NTNG1: variants seen among roughly 807,000 people sequenced by gnomAD.
NTNG1 encodes the protein netrin G1.
NTNG1 carries 16 observed loss-of-function variants against 54.0 expected under a neutral mutation model. That is an observed-to-expected ratio of 0.30 (90% CI 0.20 to 0.45). The LOEUF (loss-of-function observed/expected upper bound fraction) is 0.45, where lower values mean the gene tolerates loss of function less well. Ranked by LOEUF, NTNG1 falls within the 20% of genes least tolerant of loss-of-function variation. NTNG1 has a pLI of 1.00. For synonymous variants in NTNG1, 255 were observed against 263.1 expected (o/e 0.97, Z 0.30); for missense variants, 530 against 678.7 (o/e 0.78, Z 2.43).
At chr1:107,208,565 T>A (rs1318483705) in intron 2 of NTNG1, among the ~76,000 whole-genome samples, 1 of 152,160 alleles carries the variant, frequency 6.6e-6, no homozygotes, top group Non-Finnish European at 1.5e-5. Context: ...CTCACTGAGT[T>A]TCTAATGAAG....
chr1:107,262,261 AT>A (rs141874430), intron 2 of NTNG1, among the ~76,000 whole-genome samples: 124 of 152,344 alleles, frequency 8.1e-4, no homozygotes, highest in Non-Finnish European at 1.5e-3. Flanking sequence ...ACAGGGACAC[AT>A]GAGTGGAGAC....
chr1:107,431,053 AGATTTCACTTGT>A, intron 6 of NTNG1, 136 bp downstream of exon 6: 1 of 735,484 alleles, frequency 1.4e-6, no homozygotes, highest in Non-Finnish European at 2.2e-6. Context: ...ATCCTATGGT[AGATTTCACTTGT>A]GATTTCACTT....
intron 6 of NTNG1, among the ~76,000 whole-genome samples, chr1:107,434,167 C>T (rs1427057343): frequency 6.6e-6 from 1 of 152,108 alleles, no homozygotes; most frequent in Non-Finnish European, 1.5e-5. Flanking sequence ...TAAAATTCAC[C>T]ACCCTTGCTG....
chr1:107,398,393 C>T (rs1007284371), intron 4 of NTNG1, among the ~76,000 whole-genome samples: 3 of 152,256 alleles, frequency 2.0e-5, no homozygotes, highest in Non-Finnish European at 2.9e-5. Flanking sequence ...TTCCCCAAGA[C>T]ACTCAGCCCA....
intron 3 of NTNG1, among the ~76,000 whole-genome samples, chr1:107,367,924 G>C (rs1327628919): frequency 6.6e-6 from 1 of 152,018 alleles, no homozygotes; most frequent in Non-Finnish European, 1.5e-5. Context: ...ACTATGCCCA[G>C]CTAATTTTTG....
chr1:107,249,634 G>A (rs189312570), intron 2 of NTNG1, among the ~76,000 whole-genome samples: 1 of 152,258 alleles, frequency 6.6e-6, no homozygotes, highest in East Asian at 1.9e-4. Context: ...GTTCATATGA[G>A]TTTTCAGAGA....
chr1:107,234,573 C>T (rs1661281334), intron 2 of NTNG1, among the ~76,000 whole-genome samples: 1 of 152,022 alleles, frequency 6.6e-6, no homozygotes, highest in African/African-American at 2.4e-5. Context: ...GCTATTATTC[C>T]CCTCTATTGT....
rs1200453081 is a variant in NTNG1 at position 107,176,667 on chromosome 1, C to T, written c.246+27828C>T. The stretch of plus-strand genomic sequence containing the variant: ...TTAGGAATTGACTAACATGGATAAA[C>T]GGAATGTGATTTTTTACAATCTGTA... On this transcript the variant is annotated intron_variant, in intron 2 of 7. Transcript: ENST00000370068. Among the ~76,000 whole-genome samples, 7 of 152,122 alleles carry T rather than the reference C, an allele frequency of 4.6e-5. No individual in the cohort carries two copies. The East Asian group carries it at 7.7e-4, about 17-fold the overall frequency.
At chr1:107,360,418 C>G (rs1175957179) in intron 3 of NTNG1, among the ~76,000 whole-genome samples, 1 of 151,736 alleles carries the variant, frequency 6.6e-6, no homozygotes, top group Non-Finnish European at 1.5e-5. Context: ...GTGTAAAGAC[C>G]CTGAAGAGAA....
intron 3 of NTNG1, among the ~76,000 whole-genome samples, chr1:107,370,258 A>G (rs1039908054): frequency 2.0e-5 from 3 of 149,856 alleles, no homozygotes; most frequent in South Asian, 4.3e-4. Flanking sequence ...AAAAAAAAAA[A>G]GCTGCTGAGC....
intron 2 of NTNG1, among the ~76,000 whole-genome samples, chr1:107,284,640 A>G (rs1030261198): frequency 6.6e-5 from 10 of 152,124 alleles, no homozygotes; most frequent in Admixed American, 6.6e-5. Flanking sequence ...AAAATTATAT[A>G]TATACTATAA....
chr1:107,396,922 C>G (rs530530109), intron 4 of NTNG1, among the ~76,000 whole-genome samples: 5 of 152,276 alleles, frequency 3.3e-5, no homozygotes, highest in African/African-American at 1.2e-4. Flanking sequence ...TCTAACGTGA[C>G]CTTGTTCTTC....
intron 3 of NTNG1, among the ~76,000 whole-genome samples, chr1:107,361,653 G>A (rs1157436914): frequency 1.3e-5 from 2 of 151,806 alleles, no homozygotes; most frequent in Non-Finnish European, 2.9e-5. Flanking sequence ...CTCCCAAAGT[G>A]CTGGGATTAC....
At chr1:107,450,008 T>C (rs1676527634) in intron 7 of NTNG1, among the ~76,000 whole-genome samples, 1 of 152,042 alleles carries the variant, frequency 6.6e-6, no homozygotes, top group Admixed American at 6.6e-5. Flanking sequence ...TAAAGAAAAA[T>C]GTATGACTGC....
At chr1:107,302,522 T>C (rs900571498) in intron 2 of NTNG1, among the ~76,000 whole-genome samples, 1 of 152,076 alleles carries the variant, frequency 6.6e-6, no homozygotes, top group Admixed American at 6.6e-5. Context: ...TACAATTCAA[T>C]AAAATCAAAC....
chr1:107,435,225 C>T (rs1390943050), intron 6 of NTNG1, among the ~76,000 whole-genome samples: 1 of 151,854 alleles, frequency 6.6e-6, no homozygotes, highest in Non-Finnish European at 1.5e-5. Flanking sequence ...TATAATGTGC[C>T]TATGTACAGA....
At chr1:107,473,225 A>G (rs1241957176) in intron 7 of NTNG1, among the ~76,000 whole-genome samples, 1 of 152,222 alleles carries the variant, frequency 6.6e-6, no homozygotes, top group Non-Finnish European at 1.5e-5. Flanking sequence ...GAAACTTTCA[A>G]GTCTATAAAT....
rs111454858 is a variant in NTNG1, at chr1:107,353,821, T to C, written c.887+28899T>C. Among the ~76,000 whole-genome samples the C allele has an allele frequency of 6.7e-3, 1,026 of 152,322 alleles. 15 individuals are homozygous for C. The highest frequency in any genetic ancestry group is 0.024 in the African/African-American group (986 of 41,562). Reference sequence around the variant, plus strand: ...GTACAGGAAGCATGGTAGCATCTGCTTCTGGGGAGGCCTCAGGTTGCTTTT... The same window carrying C: ...GTACAGGAAGCATGGTAGCATCTGCCTCTGGGGAGGCCTCAGGTTGCTTTT... On this transcript the variant is annotated intron_variant, in intron 3 of 7. Transcript: ENST00000370068.
At chr1:107,441,450 T>G (rs368710558) in intron 7 of NTNG1, among the ~76,000 whole-genome samples, 13 of 152,248 alleles carry the variant, frequency 8.5e-5, no homozygotes, top group African/African-American at 3.1e-4. Context: ...TTTGGTGATA[T>G]CAGTTAAATG....
Sources: allele counts gnomAD v4.1 joint callset (sites outside exome capture counted in the v4.1 genomes callset), GRCh38; gene constraint gnomAD v4.1.1; transcripts MANE v1.5; gene names NCBI Gene and HGNC (gene_info 2026-07-23, HGNC 2026-07-21).